The following RBBP6 variants were observed in gnomAD, a reference collection of about 807,000 sequenced individuals.
RBBP6 encodes E3 ubiquitin-protein ligase RBBP6.
In RBBP6, 25 loss-of-function variants were observed where a neutral mutation model predicts 167.7. The ratio of observed to expected loss-of-function variants is 0.15; its 90% CI spans 0.11 to 0.21. The LOEUF is 0.21. Among genes scored for constraint, RBBP6 ranks in the 10% least tolerant of loss-of-function variants. The pLI, the probability that RBBP6 is intolerant of heterozygous loss-of-function variation, is 1.00. For synonymous variants in RBBP6, 789 were observed against 735.8 expected, an observed-to-expected ratio of 1.07 and a Z score of -1.17; for missense variants, 1,868 against 2,134.2, an observed-to-expected ratio of 0.88 and a Z score of 2.46.
intron 14 of RBBP6, among the ~76,000 whole-genome samples, chr16:24,565,790 G>T (rs75149422): frequency 0.036 from 5,468 of 152,254 alleles, 340 homozygotes; most frequent in African/African-American, 0.12. Context: ...GTTTTGGCCA[G>T]GCATAATGGC....
chr16:24,569,425 A>C lies in RBBP6; in HGVS notation c.2735A>C (p.Asp912Ala), dbSNP rs772588081. 18 of 1,613,998 alleles carry C rather than the reference A, an allele frequency of 1.1e-5. No individual in the cohort carries two copies. Among genetic ancestry groups the C allele is most frequent in the African/African-American group, 1.3e-5 (1 of 74,920 alleles). ...GCAAGAGATGGTCACAATCAGAAGG[A>C]TAATACAAAGTCAAAAGAGAAGGAG... Reference protein sequence around the residue: ...LSARDGHNQKDNTKSKEKESE... With the variant: ...LSARDGHNQKANTKSKEKESE... Residue 912 changes from aspartate (D) to alanine (A), a missense_variant, in exon 17 of 18, where the codon GAT becomes GCT. Around this residue, in one of 7 missense-constraint regions of RBBP6, gnomAD observed 673 missense variants for 691.5 expected, o/e 0.97. Coordinates refer to ENST00000319715, the MANE Select transcript of RBBP6 (RefSeq NM_006910.5).
chr16:24,563,324 A>T lies in RBBP6; in HGVS notation c.1386+29A>T, dbSNP rs1247733003. On this transcript the variant is annotated intron_variant, in intron 11 of 17. Coordinates refer to ENST00000319715, the MANE Select transcript of RBBP6 (RefSeq NM_006910.5). ...AATTTTACTGGTGCTTTAATTTGGGATTTTTTTTACAGCAGGGTTTTGTTT... is the reference window on the plus strand; with the variant it reads ...AATTTTACTGGTGCTTTAATTTGGGTTTTTTTTTACAGCAGGGTTTTGTTT... 4.5e-6 allele frequency: 7 copies of T among 1,554,100 alleles called. No individual in the cohort carries two copies. In the Admixed American group the frequency reaches 7.1e-5, roughly 16 times the overall value.
intron 1 of RBBP6, among the ~76,000 whole-genome samples, chr16:24,541,488 A>G (rs1241906953): frequency 6.6e-6 from 1 of 152,212 alleles, no homozygotes; most frequent in African/African-American, 2.4e-5. Context: ...CTTAAGCTTT[A>G]TCAATTCGGT....
At chr16:24,544,630 G>A (rs1156736527) in intron 1 of RBBP6, among the ~76,000 whole-genome samples, 3 of 152,168 alleles carry the variant, frequency 2.0e-5, no homozygotes, top group Non-Finnish European at 4.4e-5. Context: ...GATTAAAGGA[G>A]ATGGATACAT....
At chr16:24,561,800 CATT>C (rs1899063413) in intron 9 of RBBP6, 21 bp from the exon 10 acceptor site, 1 of 1,605,450 alleles carries the variant, frequency 6.2e-7, no homozygotes, top group Non-Finnish European at 8.5e-7. Context: ...CATTTTTCTG[CATT>C]ATTATGCTTG....
intron 3 of RBBP6, among the ~76,000 whole-genome samples, chr16:24,552,496 C>T (rs930543158): frequency 6.6e-6 from 1 of 151,818 alleles, no homozygotes; most frequent in African/African-American, 2.4e-5. Context: ...GAAATCATAT[C>T]TTCAAGATTG....
At chr16:24,549,078 G>T in intron 3 of RBBP6, 97 bp downstream of exon 3, 1 of 1,551,082 alleles carries the variant, frequency 6.4e-7, no homozygotes, top group South Asian at 1.2e-5. Context: ...ATATCCAACT[G>T]ATCATAGTAC....
chr16:24,557,580 AAAAG>A (rs1359994132), intron 7 of RBBP6, among the ~76,000 whole-genome samples: 1 of 152,124 alleles, frequency 6.6e-6, no homozygotes, highest in Non-Finnish European at 1.5e-5. Flanking sequence ...GCAAAAAAAA[AAAAG>A]ATCCTGGTTG....
In RBBP6 at chr16:24,549,107, AT is replaced by A. The variant is rs1237619547; in HGVS notation, c.303+130del. The A allele has an allele frequency of 9.5e-5, 144 of 1,515,778 alleles. 1 individual carries two copies. Among genetic ancestry groups the A allele is most frequent in the Admixed American group, 4.2e-5 (2 of 47,122 alleles). The allele number at this position is 1,515,778 out of a possible 1,614,324, so 93.9% of individuals were successfully genotyped here. A position where few individuals can be genotyped will look rare whatever the true frequency, so the allele number is the denominator to read the frequency against. ...ATAGTACATATTGTAAATAAAATGT[AT>A]TTTGATGACAGCTCAGTTGAATATG... On this transcript the variant is annotated intron_variant, in intron 3 of 17. Transcript: ENST00000319715.
chr16:24,543,247 T>C (rs1374298570), intron 1 of RBBP6, among the ~76,000 whole-genome samples: 1 of 152,104 alleles, frequency 6.6e-6, no homozygotes, highest in Non-Finnish European at 1.5e-5. Flanking sequence ...TGTAAAACAT[T>C]TCCTTACAGT....
intron 10 of RBBP6, 133 bp from the exon 11 acceptor site, chr16:24,563,066 C>T (rs1240837215): frequency 7.8e-6 from 5 of 637,532 alleles, no homozygotes; most frequent in Non-Finnish European, 1.1e-5. Flanking sequence ...CTCTCACTTT[C>T]CTCAGAAGTA....
intron 1 of RBBP6, 36 bp from the exon 2 acceptor site, chr16:24,546,127 C>G (rs1244442069): frequency 1.3e-6 from 2 of 1,543,028 alleles, no homozygotes; most frequent in African/African-American, 2.8e-5. Context: ...ACTCAAATCC[C>G]CAAATGGAAA....
intron 11 of RBBP6, 34 bp from the exon 12 acceptor site, chr16:24,563,389 A>G: frequency 2.3e-6 from 3 of 1,301,196 alleles, no homozygotes; most frequent in Non-Finnish European, 2.0e-6. Flanking sequence ...TTTTTTTTTT[A>G]ACTATTTCTG....
At chr16:24,565,293 C>A (rs773813296) in intron 14 of RBBP6, among the ~76,000 whole-genome samples, 1 of 152,204 alleles carries the variant, frequency 6.6e-6, no homozygotes, top group African/African-American at 2.4e-5. Flanking sequence ...CATCTCCCAC[C>A]GTCTCTTTTC....
chr16:24,553,562 A>G lies in RBBP6; in HGVS notation c.348+5A>G, dbSNP rs1424970713. On this transcript the variant is annotated splice_donor_5th_base_variant and intron_variant, in intron 4 of 17. Coordinates refer to ENST00000319715, the MANE Select transcript of RBBP6 (RefSeq NM_006910.5). ...TCTCTGGCCCAGCTTACAAAGGTAT[A>G]TATATATATATATTCTTGAAAATAT... 4 of 1,165,484 alleles carry G rather than the reference A, an allele frequency of 3.4e-6. No homozygotes were observed. Among genetic ancestry groups the G allele is most frequent in the African/African-American group, 1.7e-5 (1 of 60,016 alleles). 72.2% of individuals were successfully genotyped at this position (1,165,484 alleles called of 1,614,324 possible). A position where few individuals can be genotyped will look rare whatever the true frequency, so the allele number is the denominator to read the frequency against.
intron 5 of RBBP6, 48 bp downstream of exon 5, chr16:24,555,751 T>G: frequency 6.3e-7 from 1 of 1,586,056 alleles, no homozygotes; most frequent in South Asian, 1.1e-5. Flanking sequence ...GGGGTGGGTT[T>G]TCCCCCCCAA....
At chr16:24,562,182 CTG>C in intron 10 of RBBP6, 21 bp downstream of exon 10, 1 of 1,556,548 alleles carries the variant, frequency 6.4e-7, no homozygotes, top group Non-Finnish European at 8.8e-7. Context: ...GTGTTTTTCA[CTG>C]TTAGAAACCA....
rs776296739 is a variant in RBBP6 at position 24,571,370 on chromosome 16, A to G, written c.4304A>G (p.Asn1435Ser). ...PEKESNLDRL[N>S]EQGNFKSLSQ... Reference sequence around the variant, plus strand: ...AAAGAGAGTAATTTGGACCGTCTGAATGAACAAGGAAATTTTAAAAGTCTG... The same window carrying G: ...AAAGAGAGTAATTTGGACCGTCTGAGTGAACAAGGAAATTTTAAAAGTCTG... Residue 1435 changes from asparagine to serine, a missense_variant, in exon 18 of 18, where the codon AAT becomes AGT. Coordinates refer to ENST00000319715, the MANE Select transcript of RBBP6 (RefSeq NM_006910.5). The G allele has an allele frequency of 2.5e-6, 4 of 1,613,944 alleles. No individual in the cohort carries two copies. Among genetic ancestry groups the G allele is most frequent in the Admixed American group, 1.7e-5 (1 of 60,000 alleles).
rs774633010 is a variant in RBBP6 at position 24,563,236 on chromosome 16, G to T, written c.1327G>T (p.Ala443Ser). Residue 443 changes from alanine (A) to serine (S), a missense_variant, in exon 11 of 18, where the codon GCA becomes TCA. Physicochemically the swap from Ala to Ser is moderately conservative, Grantham distance 99 (BLOSUM62 1). This residue lies in a region of RBBP6 where 245 missense variants were observed against 240.1 expected (regional missense o/e 1.02). Transcript: ENST00000319715. ...DNKILPAAALASEHSKGTSSI... is the reference protein window; with the variant it reads ...DNKILPAAALSSEHSKGTSSI... Reference sequence around the variant, plus strand: ...TAAAATATTGCCAGCTGCAGCTCTTGCATCAGAGCACTCAAAGGGAACCTC... The same window carrying T: ...TAAAATATTGCCAGCTGCAGCTCTTTCATCAGAGCACTCAAAGGGAACCTC... 25 of 1,610,700 alleles carry T rather than the reference G, an allele frequency of 1.6e-5. No individual in the cohort carries two copies. The highest frequency in any genetic ancestry group is 2.1e-5 in the Non-Finnish European group (25 of 1,178,336).
Sources: allele counts gnomAD v4.1 joint callset (sites outside exome capture counted in the v4.1 genomes callset), GRCh38; gene constraint gnomAD v4.1.1; regional missense constraint gnomAD v4.1.1; transcripts MANE v1.5; gene names NCBI Gene and HGNC (gene_info 2026-07-23, HGNC 2026-07-21).